STMN2: variants seen among roughly 807,000 people sequenced by gnomAD.
STMN2 encodes the protein stathmin-2.
STMN2 carries 2 observed loss-of-function variants against 24.1 expected under a neutral mutation model. The observed-to-expected ratio is 0.08, with a 90% CI of 0.03 to 0.26. The LOEUF (loss-of-function observed/expected upper bound fraction) is 0.26. Among genes scored for constraint, STMN2 ranks in the 10% least tolerant of loss-of-function variants. The probability of loss-of-function intolerance (pLI) is 1.00; values close to 1 mark genes in which losing one functional copy is unlikely to be tolerated. For synonymous variants in STMN2, 83 were observed against 77.5 expected (o/e 1.07, Z -0.37); for missense variants, 114 against 213.6 (o/e 0.53, Z 2.91).
chr8:79,661,365 T>C (rs929921753), intron 4 of STMN2, among the ~76,000 whole-genome samples: 2 of 152,180 alleles, frequency 1.3e-5, no homozygotes, highest in Non-Finnish European at 2.9e-5. Flanking sequence ...GTGGTTTTAA[T>C]TTGCATTTCC....
At chr8:79,633,441 C>T (rs761450878) in intron 1 of STMN2, among the ~76,000 whole-genome samples, 5 of 152,158 alleles carry the variant, frequency 3.3e-5, no homozygotes, top group African/African-American at 4.8e-5. Context: ...TTTTATCAGT[C>T]ATTTTCTTAG....
chr8:79,650,954 A>T (rs1270674566), intron 3 of STMN2, among the ~76,000 whole-genome samples: 1 of 152,176 alleles, frequency 6.6e-6, no homozygotes, highest in Non-Finnish European at 1.5e-5. Context: ...TTAAAAAAAA[A>T]TATTGAATGC....
chr8:79,620,500 A>AT (rs1186520068), intron 1 of STMN2, among the ~76,000 whole-genome samples: 1 of 152,112 alleles, frequency 6.6e-6, no homozygotes, highest in African/African-American at 2.4e-5. Flanking sequence ...AAAAATAAAA[A>AT]TGTTCCTCAC....
chr8:79,643,100 A>G (rs1373326906), intron 3 of STMN2, among the ~76,000 whole-genome samples: 1 of 147,122 alleles, frequency 6.8e-6, no homozygotes, highest in Non-Finnish European at 1.5e-5. Flanking sequence ...TAATATTGGT[A>G]TATATACACC....
intron 4 of STMN2, among the ~76,000 whole-genome samples, chr8:79,661,161 TAC>T (rs1806493004): frequency 6.6e-6 from 1 of 152,172 alleles, no homozygotes; most frequent in African/African-American, 2.4e-5. Flanking sequence ...TTTGGGTAGA[TAC>T]CCAGCAGTGG....
In STMN2 at chr8:79,611,125, C is replaced by T; in HGVS notation, c.-71C>T. 1 of 1,606,200 alleles carries T rather than the reference C, an allele frequency of 6.2e-7. No homozygotes were observed. The highest frequency in any genetic ancestry group is 8.5e-7 in the Non-Finnish European group (1 of 1,174,552). The stretch of plus-strand genomic sequence containing the variant: ...GACTCAGTGCCTTATTCAGTCTTCT[C>T]TCTCGCTCTCTCCGCTGCTGTAGCC... On this transcript the variant is annotated 5_prime_UTR_variant, in exon 1 of 5. Coordinates refer to ENST00000220876, the MANE Select transcript of STMN2 (RefSeq NM_007029.4).
chr8:79,637,139 C>T (rs928047727), intron 2 of STMN2, among the ~76,000 whole-genome samples: 8 of 152,186 alleles, frequency 5.3e-5, no homozygotes. Context: ...TTAACAGCCA[C>T]ATCCAGCATA....
chr8:79,657,075 T>C (rs1388912636), intron 4 of STMN2, among the ~76,000 whole-genome samples: 1 of 152,196 alleles, frequency 6.6e-6, no homozygotes, highest in Non-Finnish European at 1.5e-5. Context: ...GGTTTTGCCG[T>C]GTTGGCCAAG....
intron 1 of STMN2, among the ~76,000 whole-genome samples, chr8:79,625,219 A>G (rs1809624325): frequency 6.6e-6 from 1 of 152,104 alleles, no homozygotes; most frequent in Non-Finnish European, 1.5e-5. Flanking sequence ...TTTTTGCACT[A>G]TAGACTTTTC....
intron 3 of STMN2, among the ~76,000 whole-genome samples, chr8:79,652,358 T>C (rs537055408): frequency 2.0e-5 from 3 of 152,276 alleles, no homozygotes; most frequent in African/African-American, 4.8e-5. Flanking sequence ...AAAATGAAGG[T>C]GCAAAGCTGT....
At chr8:79,629,516 T>A (rs1809748300) in intron 1 of STMN2, among the ~76,000 whole-genome samples, 1 of 152,090 alleles carries the variant, frequency 6.6e-6, no homozygotes, top group Non-Finnish European at 1.5e-5. Context: ...CTCTAATGAG[T>A]GGGGTTTGAA....
At chr8:79,651,119 A>G in intron 3 of STMN2, among the ~76,000 whole-genome samples, 1 of 152,212 alleles carries the variant, frequency 6.6e-6, no homozygotes, top group East Asian at 1.9e-4. Context: ...CAAATGTGTG[A>G]GTTAATAGTG....
intron 3 of STMN2, among the ~76,000 whole-genome samples, chr8:79,642,828 A>G (rs1335055053): frequency 6.6e-6 from 1 of 151,026 alleles, no homozygotes; most frequent in African/African-American, 2.4e-5. Context: ...GCTGATCTCA[A>G]TTTTCACCTA....
chr8:79,664,783 G>A (rs1806567395), intron 4 of STMN2, 32 bp from the exon 5 acceptor site: 1 of 1,609,022 alleles, frequency 6.2e-7, no homozygotes, highest in Non-Finnish European at 8.5e-7. Flanking sequence ...AAAAGGGCCT[G>A]TGACATTTCT....
rs185269817 is a variant in STMN2, at chr8:79,623,783, A to T, written c.19+12569A>T. Among the ~76,000 whole-genome samples, 185 of 147,596 alleles carry T rather than the reference A, an allele frequency of 1.3e-3. 1 individual carries two copies. Among genetic ancestry groups the T allele is most frequent in the African/African-American group, 3.7e-3 (149 of 39,992 alleles). ...CTAAGCAGGAGAGTTCAGCTTATTT[A>T]AAAAAAAAAATAAACTCTAATGAGG... On this transcript the variant is annotated intron_variant, in intron 1 of 4. Transcript: ENST00000220876.
At chr8:79,658,657 T>C (rs1484417141) in intron 4 of STMN2, among the ~76,000 whole-genome samples, 3 of 152,196 alleles carry the variant, frequency 2.0e-5, no homozygotes, top group Non-Finnish European at 4.4e-5. Flanking sequence ...GATACAACTC[T>C]GTGCAAGCTT....
chr8:79,618,041 T>C (rs28397798), intron 1 of STMN2, among the ~76,000 whole-genome samples: 41 of 152,200 alleles, frequency 2.7e-4, no homozygotes, highest in African/African-American at 9.9e-4. Flanking sequence ...TCGGAATCCA[T>C]CTTTCACCGA....
intron 1 of STMN2, among the ~76,000 whole-genome samples, chr8:79,624,219 CCGAGGCGGGCGGATCA>C (rs1320018008): frequency 1.3e-5 from 2 of 152,002 alleles, no homozygotes; most frequent in Non-Finnish European, 1.5e-5. Flanking sequence ...CTTTGGGTGG[CCGAGGCGGGCGGATCA>C]CGAGGTCAGG....
intron 4 of STMN2, among the ~76,000 whole-genome samples, chr8:79,658,717 A>C (rs748858500): frequency 2.0e-5 from 3 of 152,194 alleles, no homozygotes; most frequent in South Asian, 2.1e-4. Flanking sequence ...CCCTTCAATT[A>C]AGAGAATTGA....
Sources: allele counts gnomAD v4.1 joint callset (sites outside exome capture counted in the v4.1 genomes callset), GRCh38; gene constraint gnomAD v4.1.1; transcripts MANE v1.5; gene names NCBI Gene and HGNC (gene_info 2026-07-23, HGNC 2026-07-21).